The following RGL1 variants were observed in gnomAD, a reference collection of about 807,000 sequenced individuals.
RGL1 encodes the protein ral guanine nucleotide dissociation stimulator like 1, also known as ral guanine nucleotide dissociation stimulator-like 1.
A neutral mutation model predicts 95.2 loss-of-function variants in RGL1; 24 were observed. The observed-to-expected ratio is 0.25, with a 90% CI of 0.18 to 0.35. The LOEUF (loss-of-function observed/expected upper bound fraction) is 0.35, where lower values mean the gene tolerates loss of function less well. Ranked by LOEUF, RGL1 falls within the 10% of genes least tolerant of loss-of-function variation. The pLI is 1.00. For missense variants in RGL1, 715 were observed against 936.3 expected, an observed-to-expected ratio of 0.76 and a Z score of 3.08; for synonymous variants, 329 against 344.9, an observed-to-expected ratio of 0.95 and a Z score of 0.51.
chr1:183,648,340 T>C lies in RGL1; in HGVS notation c.-33+11839T>C, dbSNP rs796124687. The C allele has an allele frequency of 7.4e-6, 12 of 1,614,118 alleles. No individual in the cohort carries two copies. The East Asian group carries it at 2.4e-4, about 33-fold the overall frequency. ...TGAGAAAAATAAATACTAAGAGTGA[T>C]GCCTGGATACGTAATCAGGAAATTA... On this transcript the variant is annotated intron_variant, in intron 1 of 18. Coordinates refer to the RGL1 transcript ENST00000304685.
At chr1:183,867,623 T>G (rs79225765) in intron 4 of RGL1, among the ~76,000 whole-genome samples, 4 of 147,066 alleles carry the variant, frequency 2.7e-5, no homozygotes, top group Non-Finnish European at 3.0e-5. Context: ...GGAAGATGGG[T>G]TTTTTTTTTG....
At chr1:183,742,073 T>C (rs1311480750) in intron 1 of RGL1, 1 of 1,492,606 alleles carries the variant, frequency 6.7e-7, no homozygotes, top group Admixed American at 1.8e-5. Context: ...TCGATGTCTC[T>C]TTTAATGTTA....
intron 1 of RGL1, among the ~76,000 whole-genome samples, chr1:183,662,154 A>G (rs1339156974): frequency 6.6e-6 from 1 of 151,544 alleles, no homozygotes; most frequent in Non-Finnish European, 1.5e-5. Flanking sequence ...CTGGCACAAG[A>G]CAGGGATGCC....
intron 2 of RGL1, among the ~76,000 whole-genome samples, chr1:183,788,733 T>G (rs1296528510): frequency 1.3e-5 from 2 of 152,232 alleles, no homozygotes; most frequent in East Asian, 1.9e-4. Flanking sequence ...CACAGTATAT[T>G]ATACTATTAA....
chr1:183,889,922 A>C (rs1435071407), intron 8 of RGL1, among the ~76,000 whole-genome samples: 2 of 152,154 alleles, frequency 1.3e-5, no homozygotes, highest in Non-Finnish European at 2.9e-5. Context: ...TATTTTGAAT[A>C]ATCAAGGTGA....
intron 3 of RGL1, among the ~76,000 whole-genome samples, chr1:183,862,344 A>G (rs943018777): frequency 6.6e-6 from 1 of 152,076 alleles, no homozygotes; most frequent in Non-Finnish European, 1.5e-5. Flanking sequence ...TCTGGGCAAG[A>G]GAGTGAGACC....
intron 2 of RGL1, among the ~76,000 whole-genome samples, chr1:183,832,710 G>A (rs1663344237): frequency 6.6e-6 from 1 of 152,118 alleles, no homozygotes; most frequent in African/African-American, 2.4e-5. Context: ...TGTGTGACCT[G>A]GAATGAGTCA....
Position 183,784,800 on chromosome 1 carries a change from G to A in RGL1, c.133-21575G>A, listed in dbSNP as rs146258412. On this transcript the variant is annotated intron_variant, in intron 2 of 18. Transcript: ENST00000304685. Reference sequence around the variant, plus strand: ...AGCTGTATTTCAGGAAGATCAATTTGATCCTAGTGTGTAAAAGGAACCAGA... The same window carrying A: ...AGCTGTATTTCAGGAAGATCAATTTAATCCTAGTGTGTAAAAGGAACCAGA... 2.8e-3 allele frequency among the ~76,000 whole-genome samples: 422 copies of A among 152,242 alleles called. 3 individuals are homozygous for A. The highest frequency in any genetic ancestry group is 9.2e-3 in the African/African-American group (381 of 41,528).
chr1:183,834,134 G>A (rs1663467045), intron 2 of RGL1, among the ~76,000 whole-genome samples: 1 of 151,934 alleles, frequency 6.6e-6, no homozygotes, highest in African/African-American at 2.4e-5. Context: ...ATCTGTATGA[G>A]TTGGCGTCTT....
chr1:183,728,035 T>C (rs1221010983), intron 1 of RGL1, among the ~76,000 whole-genome samples: 1 of 152,134 alleles, frequency 6.6e-6, no homozygotes, highest in African/African-American at 2.4e-5. Context: ...ATGGGCCTCA[T>C]CTAATCCAAT....
intron 2 of RGL1, among the ~76,000 whole-genome samples, chr1:183,829,569 C>T (rs555768747): frequency 6.6e-6 from 1 of 151,968 alleles, no homozygotes; most frequent in Non-Finnish European, 1.5e-5. Context: ...CATGTAAACT[C>T]ATTCATCATG....
At chr1:183,797,926 A>G (rs1660780124) in intron 2 of RGL1, among the ~76,000 whole-genome samples, 1 of 152,264 alleles carries the variant, frequency 6.6e-6, no homozygotes, top group Non-Finnish European at 1.5e-5. Flanking sequence ...GAAGGAATCA[A>G]GAAATACCAG....
chr1:183,758,387 C>T (rs1037674850), intron 2 of RGL1, among the ~76,000 whole-genome samples: 6 of 151,998 alleles, frequency 3.9e-5, no homozygotes, highest in Non-Finnish European at 4.4e-5. Context: ...TTAGTAGAGA[C>T]GGGGTTTCAC....
chr1:183,638,706 G>T, intron 1 of RGL1, among the ~76,000 whole-genome samples: 1 of 152,066 alleles, frequency 6.6e-6, no homozygotes, highest in Non-Finnish European at 1.5e-5. Context: ...TGCTTACCCT[G>T]ATATAAAAGA....
At chr1:183,865,865 T>C (rs146569031) in intron 3 of RGL1, 131 bp from the exon 4 acceptor site, 83 of 649,892 alleles carry the variant, frequency 1.3e-4, no homozygotes, top group Middle Eastern at 1.3e-3. Context: ...TTTTCAATGC[T>C]ATTTCATAGA....
intron 1 of RGL1, among the ~76,000 whole-genome samples, chr1:183,659,725 C>G (rs1199759600): frequency 6.6e-6 from 1 of 151,442 alleles, no homozygotes; most frequent in African/African-American, 2.4e-5. Flanking sequence ...AGATACTCCT[C>G]GAGAAGAGCA....
At chr1:183,894,998 G>A (rs1477794649) in intron 9 of RGL1, among the ~76,000 whole-genome samples, 2 of 152,212 alleles carry the variant, frequency 1.3e-5, no homozygotes, top group African/African-American at 4.8e-5. Context: ...AGACATCAGG[G>A]AAGAAAGCAG....
chr1:183,710,201 C>A, intron 1 of RGL1: 1 of 218,264 alleles, frequency 4.6e-6, no homozygotes, highest in South Asian at 6.4e-5. Context: ...GTACTGCAGG[C>A]TCTTCGATGC....
At position 183,873,872 on chromosome 1, in the gene RGL1, C is replaced by T. The variant is rs564505016; in HGVS notation, c.426-6744C>T. On this transcript the variant is annotated intron_variant, in intron 4 of 17. Transcript: ENST00000360851. ...TGTGAGGAAACAAGACCAAATTAGG[C>T]CCATCAAAGGAGAACCTGCTTCCTG... Among the ~76,000 whole-genome samples the T allele has an allele frequency of 7.2e-5, 11 of 152,286 alleles. No individual in the cohort carries two copies. In the East Asian group the frequency reaches 1.5e-3, roughly 21 times the overall value.
Sources: gnomAD v4.1 joint callset for allele counts (sites outside exome capture counted in the v4.1 genomes callset) on GRCh38, gnomAD v4.1.1 for gene constraint, MANE v1.5 for transcripts, NCBI Gene and HGNC (gene_info 2026-07-23, HGNC 2026-07-21) for gene names.